The following SLC6A16 variants were observed in gnomAD, a reference collection of about 807,000 sequenced individuals.
SLC6A16 encodes orphan sodium- and chloride-dependent neurotransmitter transporter NTT5.
Under a neutral mutation model 65.4 loss-of-function variants are expected in SLC6A16, and 54 were observed. The observed-to-expected ratio is 0.83, with a 90% CI of 0.66 to 1.04. SLC6A16 has a LOEUF of 1.04. Ranked by LOEUF, SLC6A16 falls within the 50% of genes least tolerant of loss-of-function variation. SLC6A16 has a pLI of 0.00. For synonymous variants in SLC6A16, 330 were observed against 346.5 expected (o/e 0.95, Z 0.53); for missense variants, 816 against 914.0 (o/e 0.89, Z 1.38).
At chr19:49,320,427 A>C (rs1035816070) in intron 1 of SLC6A16, among the ~76,000 whole-genome samples, 4 of 150,316 alleles carry the variant, frequency 2.7e-5, no homozygotes, top group Non-Finnish European at 5.9e-5. Context: ...AAACAAACAA[A>C]CAAAAAAAAA....
At position 49,309,692 on chromosome 19, in the gene SLC6A16, C is replaced by A. The variant is rs763245138; in HGVS notation, c.835G>T (p.Val279Phe). 2.7e-5 allele frequency: 43 copies of A among 1,614,012 alleles called. No homozygotes were observed. Among genetic ancestry groups the A allele is most frequent in the Middle Eastern group, 3.3e-4 (2 of 6,084 alleles). The change falls in exon 5 of 12, where the codon GTT (valine) becomes TTT (phenylalanine). Residue 279 changes from valine to phenylalanine, a missense_variant. Coordinates refer to ENST00000335875, the MANE Select transcript of SLC6A16 (RefSeq NM_014037.3). Reference sequence around the variant, plus strand: ...AGCCCATTGATCATGAAAGCACCAACAAGACACCAGCAAAGAAAGAAGGGC... The same window carrying A: ...AGCCCATTGATCATGAAAGCACCAAAAAGACACCAGCAAAGAAAGAAGGGC... ...VLPFFLCWCL[V>F]GAFMINGLKS...
chr19:49,337,512 C>A, the SLC6A16 span: 1 of 712,360 alleles, frequency 1.4e-6, no homozygotes, highest in Non-Finnish European at 2.2e-6. Flanking sequence ...GTCCCAGCTA[C>A]TTGGGAGGTC....
intron 1 of SLC6A16, among the ~76,000 whole-genome samples, chr19:49,317,722 C>T (rs958481414): frequency 1.3e-4 from 19 of 151,884 alleles, no homozygotes; most frequent in African/African-American, 3.9e-4. Context: ...AGGAGAATGG[C>T]GTGAACCCAG....
the SLC6A16 span, chr19:49,340,252 T>G: frequency 6.2e-7 from 1 of 1,612,468 alleles, no homozygotes; most frequent in Admixed American, 1.7e-5. Context: ...TCTCTATAGC[T>G]CGGGTTCATG....
rs375922500 is a variant in SLC6A16, at chr19:49,290,749, C to T, written c.1797G>A (p.Thr599=). Reference sequence around the variant, plus strand: ...GAGAGATGGGGTGGCCCAACAGGATCGTCAGGTCTGCAAGGAACCTGGAGA... The same window carrying T: ...GAGAGATGGGGTGGCCCAACAGGATTGTCAGGTCTGCAAGGAACCTGGAGA... ...YGARRFLADL[T]ILLGHPISPI... Residue 599 remains threonine, a synonymous_variant, in exon 11 of 12, where the codon ACG becomes ACA. Transcript: ENST00000335875. The T allele has an allele frequency of 6.0e-5, 97 of 1,610,682 alleles. No individual in the cohort carries two copies. The highest frequency in any genetic ancestry group is 7.8e-5 in the Non-Finnish European group (92 of 1,178,580).
At chr19:49,295,082 C>T (rs1460325937) in intron 7 of SLC6A16, among the ~76,000 whole-genome samples, 3 of 152,050 alleles carry the variant, frequency 2.0e-5, no homozygotes, top group East Asian at 1.9e-4. Context: ...TGTCAGGGCC[C>T]ATCATACCCC....
upstream of SLC6A16, among the ~76,000 whole-genome samples, chr19:49,327,727 CAAG>C (rs1344521138): frequency 1.3e-5 from 2 of 152,102 alleles, no homozygotes; most frequent in Non-Finnish European, 2.9e-5. Context: ...ACAGGGTAGT[CAAG>C]AAGGACTCTT....
chr19:49,300,198 A>G (rs1156720010), intron 7 of SLC6A16, among the ~76,000 whole-genome samples: 1 of 152,014 alleles, frequency 6.6e-6, no homozygotes, highest in Non-Finnish European at 1.5e-5. Context: ...AAATAAAAAT[A>G]CATGAGGTGC....
At chr19:49,298,748 A>G (rs987008308) in intron 7 of SLC6A16, among the ~76,000 whole-genome samples, 2 of 152,248 alleles carry the variant, frequency 1.3e-5, no homozygotes, top group Non-Finnish European at 2.9e-5. Flanking sequence ...AAAAAGATAC[A>G]TGTACTCATA....
Position 49,310,168 on chromosome 19 carries a change from TG to T in SLC6A16, c.574-3del, listed in dbSNP as rs1157393231. The stretch of plus-strand genomic sequence containing the variant: ...GTACAGGCCGAGGATGAAGCACACC[TG>T]GGGGCCAAGGAGGATATGGCTGGGG... On this transcript the variant is annotated splice_polypyrimidine_tract_variant and splice_region_variant and intron_variant, in intron 3 of 11. Coordinates refer to ENST00000335875, the MANE Select transcript of SLC6A16 (RefSeq NM_014037.3). 1 of 1,613,738 alleles carries T rather than the reference TG, an allele frequency of 6.2e-7. No homozygotes were observed. The highest frequency in any genetic ancestry group is 8.5e-7 in the Non-Finnish European group (1 of 1,179,950).
chr19:49,307,110 TCAAGCAA>T (rs1970406355), intron 7 of SLC6A16, among the ~76,000 whole-genome samples: 1 of 148,322 alleles, frequency 6.7e-6, no homozygotes, highest in African/African-American at 2.5e-5. Flanking sequence ...ACTCCTGGGT[TCAAGCAA>T]TCCTCCCACC....
chr19:49,309,959 C>A (rs1484575579), intron 4 of SLC6A16, 81 bp downstream of exon 4: 15 of 1,530,602 alleles, frequency 9.8e-6, no homozygotes, highest in Admixed American at 1.8e-5. Context: ...CTTGTCCCTC[C>A]CCACTCTCTC....
the SLC6A16 span, chr19:49,337,194 A>T: frequency 6.2e-7 from 1 of 1,614,118 alleles, no homozygotes; most frequent in Non-Finnish European, 8.5e-7. Flanking sequence ...TCACCCTGGG[A>T]ATCCTCATCT....
At chr19:49,338,323 C>A in the SLC6A16 span, 5 of 710,920 alleles carry the variant, frequency 7.0e-6, no homozygotes, top group Non-Finnish European at 8.8e-6. The surrounding 1 kb of genome is among the most constrained non-coding windows in gnomAD (Gnocchi z 5.0). Flanking sequence ...TAGCGAGACA[C>A]GGCTTCCTAC....
chr19:49,336,669 G>T, the SLC6A16 span: 1 of 487,298 alleles, frequency 2.1e-6, no homozygotes, highest in East Asian at 3.6e-5. Flanking sequence ...GGACGAGGAG[G>T]AGCTGAAGGA....
chr19:49,335,472 C>G, the SLC6A16 span: 1 of 1,079,356 alleles, frequency 9.3e-7, no homozygotes, highest in South Asian at 1.3e-5. The surrounding 1 kb of genome is among the most constrained non-coding windows in gnomAD (Gnocchi z 4.6). Context: ...CTCTTTCTTT[C>G]TCCCTGTCTC....
At chr19:49,305,421 G>A (rs1031815139) in intron 7 of SLC6A16, among the ~76,000 whole-genome samples, 10 of 151,960 alleles carry the variant, frequency 6.6e-5, no homozygotes, top group South Asian at 2.1e-4. Context: ...GTGAAACCCC[G>A]TCTCTACTAA....
rs1361684114 is a variant in SLC6A16, at chr19:49,311,232, G to T, written c.116C>A (p.Thr39Asn). Residue 39 changes from threonine to asparagine, a missense_variant, in exon 2 of 12, where the codon ACC becomes AAC. By Grantham distance (65) the Thr-to-Asn change is moderately conservative. Coordinates refer to ENST00000335875, the MANE Select transcript of SLC6A16 (RefSeq NM_014037.3). Reference sequence around the variant, plus strand: ...TGAGGTCCAAGATGTTGCAGACCGGGTCAATGAACCCTTGTCTTCCCACGT... The same window carrying T: ...TGAGGTCCAAGATGTTGCAGACCGGTTCAATGAACCCTTGTCTTCCCACGT... ...SQTWEDKGSL[T>N]RSATSWTSEA... The T allele has an allele frequency of 2.5e-6, 4 of 1,614,138 alleles. No individual in the cohort carries two copies. The highest frequency in any genetic ancestry group is 3.4e-6 in the Non-Finnish European group (4 of 1,180,012).
chr19:49,313,980 C>G (rs1361699399), intron 1 of SLC6A16, among the ~76,000 whole-genome samples: 2 of 151,868 alleles, frequency 1.3e-5, no homozygotes, highest in African/African-American at 4.8e-5. Flanking sequence ...CCTGTAGTCC[C>G]AGCTACTCAG....
Sources: gnomAD v4.1 joint callset for allele counts (sites outside exome capture counted in the v4.1 genomes callset) on GRCh38, gnomAD v4.1.1 for gene constraint, Gnocchi (gnomAD v3.1) non-coding constraint, MANE v1.5 for transcripts, NCBI Gene and HGNC (gene_info 2026-07-23, HGNC 2026-07-21) for gene names.